MCM9: variants seen among roughly 807,000 people sequenced by gnomAD.
The protein encoded by MCM9 is minichromosome maintenance 9 homologous recombination repair factor, also known as DNA helicase MCM9.
MCM9 carries 55 observed loss-of-function variants against 72.8 expected under a neutral mutation model. The observed-to-expected ratio is 0.76, with a 90% CI of 0.61 to 0.95. The LOEUF (loss-of-function observed/expected upper bound fraction) is 0.95. MCM9 is among the 40% of genes least tolerant of loss of function. MCM9 has a pLI of 0.00. For missense variants in MCM9, 1,279 were observed against 1,377.0 expected (o/e 0.93, Z 1.13); for synonymous variants, 480 against 503.4 (o/e 0.95, Z 0.62).
intron 8 of MCM9, among the ~76,000 whole-genome samples, chr6:118,866,507 T>C (rs1432457533): frequency 6.6e-6 from 1 of 152,050 alleles, no homozygotes; most frequent in Non-Finnish European, 1.5e-5. Context: ...AAATTATCAA[T>C]TGAAAATCAT....
At chr6:118,861,142 C>T (rs985436625) in intron 8 of MCM9, among the ~76,000 whole-genome samples, 1 of 152,180 alleles carries the variant, frequency 6.6e-6, no homozygotes, top group Non-Finnish European at 1.5e-5. Context: ...GCGGGCAGCT[C>T]CAGGTACCGG....
chr6:118,933,177 C>T (rs1369432571), intron 1 of MCM9, among the ~76,000 whole-genome samples: 1 of 152,122 alleles, frequency 6.6e-6, no homozygotes. Flanking sequence ...TAGCACTGGA[C>T]AGTTAGAAAC....
intron 5 of MCM9, chr6:118,918,948 T>C (rs1781191720): frequency 6.6e-6 from 1 of 152,242 alleles, no homozygotes; most frequent in African/African-American, 2.4e-5. Flanking sequence ...TCATACTACA[T>C]AGTTACAAAC....
rs780562520 is a variant in MCM9 at position 118,923,029 on chromosome 6, CAAAAAAA to C, written c.621+775_621+781del. ...CCTGGGCAACAGTGAAACTCCATCT[CAAAAAAA>C]AAAAAAAAAAAAAAAAGCAAAGAAA... is the stretch of plus-strand genomic sequence containing the variant. On this transcript the variant is annotated intron_variant, in intron 4 of 13. Transcript: ENST00000619706. 5.4e-3 allele frequency among the ~76,000 whole-genome samples: 234 copies of C among 43,516 alleles called. 1 individual carries two copies. Among genetic ancestry groups the C allele is most frequent in the South Asian group, 0.021 (26 of 1,216 alleles). The allele number at this position is 43,516 out of a possible 152,430, so 28.5% of individuals were successfully genotyped here.
At chr6:118,851,217 A>G (rs1776206143) in intron 9 of MCM9, among the ~76,000 whole-genome samples, 1 of 151,886 alleles carries the variant, frequency 6.6e-6, no homozygotes, top group African/African-American at 2.4e-5. Context: ...AGCAGCTACT[A>G]GTAGATGCCA....
chr6:118,885,510 CA>C (rs1205278891), intron 8 of MCM9, among the ~76,000 whole-genome samples: 4 of 152,010 alleles, frequency 2.6e-5, no homozygotes, highest in South Asian at 4.1e-4. Flanking sequence ...TTACAGAAGT[CA>C]AAAGGATTGT....
chr6:118,848,817 G>T (rs1776047447), intron 9 of MCM9, among the ~76,000 whole-genome samples: 1 of 152,044 alleles, frequency 6.6e-6, no homozygotes, highest in Admixed American at 6.5e-5. Flanking sequence ...CCAGCTTCAG[G>T]AGGCTGAGAC....
chr6:118,850,259 G>GT (rs36135983), intron 9 of MCM9, among the ~76,000 whole-genome samples: 109,854 of 151,522 alleles, frequency 0.73, 41,276 homozygotes, highest in South Asian at 0.83. Flanking sequence ...TTGAATATTA[G>GT]TTTTTTGTGA....
chr6:118,851,141 G>A (rs900503564), intron 9 of MCM9, among the ~76,000 whole-genome samples: 6 of 151,808 alleles, frequency 4.0e-5, no homozygotes, highest in Non-Finnish European at 8.8e-5. Flanking sequence ...AACCATGTGA[G>A]AAATGTGAAG....
intron 2 of MCM9, among the ~76,000 whole-genome samples, chr6:118,932,355 A>T (rs1782511561): frequency 6.6e-6 from 1 of 152,252 alleles, no homozygotes; most frequent in Non-Finnish European, 1.5e-5. Context: ...CCCCATCATT[A>T]AATGACATAT....
chr6:118,844,103 G>T lies in MCM9; in HGVS notation c.1325+12268C>A, dbSNP rs542637791. On this transcript the variant is annotated intron_variant, in intron 9 of 13. Transcript: ENST00000619706. ...TTTTGGTAGAATTCATAATTAAAGT[G>T]TTCCCTTTGCACACTTAACCCTCTT... Among the ~76,000 whole-genome samples, 36 of 151,828 alleles carry T rather than the reference G, an allele frequency of 2.4e-4. 2 individuals carry two copies. The highest frequency in any genetic ancestry group is 8.5e-4 in the African/African-American group (35 of 41,164).
At chr6:118,873,665 C>G (rs956709894) in intron 8 of MCM9, among the ~76,000 whole-genome samples, 17 of 152,218 alleles carry the variant, frequency 1.1e-4, no homozygotes, top group African/African-American at 4.1e-4. Flanking sequence ...ACACCAGGAC[C>G]AGATGGGTTC....
At chr6:118,832,520 G>C (rs1025521100) in intron 9 of MCM9, among the ~76,000 whole-genome samples, 6 of 152,136 alleles carry the variant, frequency 3.9e-5, no homozygotes, top group African/African-American at 1.4e-4. Flanking sequence ...CTGAACTTCA[G>C]CATTATTTTA....
intron 8 of MCM9, among the ~76,000 whole-genome samples, chr6:118,867,746 A>T (rs1399632616): frequency 6.6e-6 from 1 of 152,180 alleles, no homozygotes; most frequent in Non-Finnish European, 1.5e-5. Context: ...TACAATGACA[A>T]AATCACCTAA....
chr6:118,916,037 T>G (rs1780914918), intron 6 of MCM9, among the ~76,000 whole-genome samples: 1 of 151,994 alleles, frequency 6.6e-6, no homozygotes, highest in Admixed American at 6.6e-5. Flanking sequence ...GAGTTACAAA[T>G]TTTTATAAGG....
At chr6:118,934,501 G>C (rs1456013968) in intron 1 of MCM9, 2 of 151,756 alleles carry the variant, frequency 1.3e-5, no homozygotes, top group African/African-American at 4.8e-5. Context: ...CCGCCCGCCT[G>C]CACCTGCCGG....
intron 3 of MCM9, among the ~76,000 whole-genome samples, chr6:118,927,397 A>G (rs1016645501): frequency 5.3e-5 from 8 of 152,092 alleles, no homozygotes; most frequent in Non-Finnish European, 1.5e-5. Context: ...TGAGGTTGGG[A>G]GTTTGAGACC....
intron 8 of MCM9, among the ~76,000 whole-genome samples, chr6:118,899,087 A>G (rs912297966): frequency 1.3e-5 from 2 of 152,164 alleles, no homozygotes; most frequent in Non-Finnish European, 2.9e-5. Context: ...TATCCAGAAT[A>G]TAACTGTTGC....
At chr6:118,924,229 G>T in intron 3 of MCM9, 102 bp from the exon 4 acceptor site, 1 of 1,045,026 alleles carries the variant, frequency 9.6e-7, no homozygotes, top group Non-Finnish European at 1.4e-6. Flanking sequence ...TTTAATTTCA[G>T]GGGGAAAAAA....
Sources: allele counts gnomAD v4.1 joint callset (sites outside exome capture counted in the v4.1 genomes callset), GRCh38; gene constraint gnomAD v4.1.1; transcripts MANE v1.5; gene names NCBI Gene and HGNC (gene_info 2026-07-23, HGNC 2026-07-21).